Variants in RNF32 observed in about 807,000 individuals in gnomAD.
The protein encoded by RNF32 is ring finger protein 32.
RNF32 carries 36 observed loss-of-function variants against 41.0 expected under a neutral mutation model. That is an observed-to-expected ratio of 0.88 (90% CI 0.67 to 1.16). The LOEUF (loss-of-function observed/expected upper bound fraction) is 1.16, where lower values mean the gene tolerates loss of function less well. Ranked by LOEUF, RNF32 falls within the 50% of genes most tolerant of loss-of-function variation. The pLI is 0.00. For missense variants in RNF32, 413 were observed against 436.7 expected, an observed-to-expected ratio of 0.95 and a Z score of 0.48; for synonymous variants, 154 against 160.9, an observed-to-expected ratio of 0.96 and a Z score of 0.32.
At position 156,674,072 on chromosome 7, in the gene RNF32, C is replaced by T. The variant is rs34768691; in HGVS notation, c.685-1624C>T. Among the ~76,000 whole-genome samples, 878 of 152,312 alleles carry T rather than the reference C, an allele frequency of 5.8e-3. 5 individuals carry two copies. Among genetic ancestry groups the T allele is most frequent in the Non-Finnish European group, 8.1e-3 (548 of 68,032 alleles). ...TTTCATCCTTCTTTGTGCTTCAAGC[C>T]GGATTCCATGAAGCAGATGTAACTG... On this transcript the variant is annotated intron_variant, in intron 7 of 8. Coordinates refer to ENST00000317955, the MANE Select transcript of RNF32 (RefSeq NM_030936.4).
chr7:156,656,810 G>A (rs779018942), intron 4 of RNF32, among the ~76,000 whole-genome samples: 29 of 152,302 alleles, frequency 1.9e-4, no homozygotes, highest in Non-Finnish European at 2.9e-4. Flanking sequence ...TTTCCTCCCC[G>A]TTGCTGAAAG....
intron 3 of RNF32, chr7:156,646,348 C>CTGGCATTGCTTAGCTTG (rs1797973320): frequency 1.7e-6 from 2 of 1,149,844 alleles, no homozygotes; most frequent in Admixed American, 4.8e-5. Flanking sequence ...CTGGTGGTTC[C>CTGGCATTGCTTAGCTTG]TGGCATTGCT....
intron 7 of RNF32, among the ~76,000 whole-genome samples, chr7:156,661,383 G>C (rs1800649003): frequency 1.3e-5 from 2 of 151,024 alleles, no homozygotes; most frequent in African/African-American, 2.4e-5. Context: ...GCAGTGGCAC[G>C]ATCTTGGCTC....
chr7:156,658,555 A>G lies in RNF32; in HGVS notation c.669A>G (p.Lys223=), dbSNP rs767546030. The G allele has an allele frequency of 6.2e-7, 1 of 1,610,622 alleles. No individual in the cohort carries two copies. The highest frequency in any genetic ancestry group is 1.1e-5 in the South Asian group (1 of 91,010). ...CCACAGATGCCAAGTTAAGAAAAAA[A>G]TTCTTTGAAAAAAAGGTAGGTAAAG... ...VPPTDAKLRK[K]FFEKKFTEIS... Residue 223 remains lysine, a synonymous_variant, in exon 7 of 9, where the codon AAA becomes AAG. Transcript: ENST00000317955.
intron 7 of RNF32, chr7:156,659,881 CAAA>C: frequency 7.1e-6 from 7 of 984,602 alleles, no homozygotes; most frequent in Non-Finnish European, 8.4e-6. Flanking sequence ...CGAAAAATAA[CAAA>C]AAGCAAGTGA....
intron 7 of RNF32, among the ~76,000 whole-genome samples, chr7:156,663,203 T>C (rs1055753296): frequency 2.6e-5 from 4 of 152,210 alleles, no homozygotes; most frequent in African/African-American, 4.8e-5. Flanking sequence ...TTAAAAACTA[T>C]GTGTCAAATA....
At chr7:156,671,480 G>C (rs986885930) in intron 7 of RNF32, among the ~76,000 whole-genome samples, 1 of 152,080 alleles carries the variant, frequency 6.6e-6, no homozygotes, top group African/African-American at 2.4e-5. Context: ...ACCGAGCAAC[G>C]GCAGCACATA....
chr7:156,676,818 T>A lies in RNF32; in HGVS notation c.*163T>A, dbSNP rs1241706733. On this transcript the variant is annotated 3_prime_UTR_variant, in exon 9 of 9. Coordinates refer to ENST00000317955, the MANE Select transcript of RNF32 (RefSeq NM_030936.4). ...TCTTAGTATATTTTAAAAGCTGACA[T>A]CCCACCTAATTTTAATCTTTGGTCT... 8.4e-6 allele frequency: 5 copies of A among 598,348 alleles called. No homozygotes were observed. The East Asian group carries it at 1.1e-4, about 13-fold the overall frequency. The allele number at this position is 598,348 out of a possible 1,614,324, so 37.1% of individuals were successfully genotyped here. A position where few individuals can be genotyped will look rare whatever the true frequency, so the allele number is the denominator to read the frequency against.
chr7:156,660,178 G>C (rs1271594176), intron 7 of RNF32: 2 of 985,396 alleles, frequency 2.0e-6, no homozygotes, highest in South Asian at 4.7e-5. Flanking sequence ...GCCCGCCCCC[G>C]CATGTCCTGC....
At chr7:156,642,833 C>G (rs763230564) in intron 1 of RNF32, 2 of 152,244 alleles carry the variant, frequency 1.3e-5, no homozygotes, top group Non-Finnish European at 2.9e-5. Flanking sequence ...CGTGCAAACT[C>G]CAAACAGACA....
intron 7 of RNF32, chr7:156,668,945 G>A (rs1801833428): frequency 6.6e-6 from 1 of 152,224 alleles, no homozygotes; most frequent in Non-Finnish European, 1.5e-5. Flanking sequence ...AAAGGGAATT[G>A]TTTTTCTCAT....
chr7:156,666,407 A>G lies in RNF32; in HGVS notation c.684+7837A>G, dbSNP rs1027187422. On this transcript the variant is annotated intron_variant, in intron 7 of 8. Coordinates refer to ENST00000317955, the MANE Select transcript of RNF32 (RefSeq NM_030936.4). ...TCTGTGAAGAGGAATGCTTGCATAC[A>G]CTGCAGGTTTCTTTTCACAAAGTTG... is the stretch of plus-strand genomic sequence containing the variant. Among the ~76,000 whole-genome samples, 3 of 152,192 alleles carry G rather than the reference A, an allele frequency of 2.0e-5. No homozygotes were observed. The South Asian group carries it at 6.2e-4, about 32-fold the overall frequency.
At chr7:156,659,576 C>T in intron 7 of RNF32, 2 of 965,780 alleles carry the variant, frequency 2.1e-6, no homozygotes, top group Non-Finnish European at 2.5e-6. Flanking sequence ...TTTTTGTCAC[C>T]TCTTATACAA....
chr7:156,662,568 G>T (rs141519476), intron 7 of RNF32, among the ~76,000 whole-genome samples: 1 of 152,012 alleles, frequency 6.6e-6, no homozygotes, highest in African/African-American at 2.4e-5. Flanking sequence ...ACTCTCTTGC[G>T]TGTGCTTTCT....
intron 7 of RNF32, among the ~76,000 whole-genome samples, chr7:156,662,806 GT>G (rs1358746374): frequency 6.7e-6 from 1 of 149,588 alleles, no homozygotes; most frequent in African/African-American, 2.5e-5. Context: ...GAGCATCTCC[GT>G]TTTTACTGAA....
rs897611749 is a variant in RNF32, at chr7:156,660,009, G to C, written c.684+1439G>C. 3 of 985,314 alleles carry C rather than the reference G, an allele frequency of 3.0e-6. No homozygotes were observed. The African/African-American group carries it at 5.2e-5, about 17-fold the overall frequency. 61.0% of individuals were successfully genotyped at this position (985,314 alleles called of 1,614,324 possible). On this transcript the variant is annotated intron_variant, in intron 7 of 8. Transcript: ENST00000317955. ...GCAGATTCATAGCTCTGTCCCACTGGACGTTGGGTCCGCTGCCCTGTGGCC... is the reference window on the plus strand; with the variant it reads ...GCAGATTCATAGCTCTGTCCCACTGCACGTTGGGTCCGCTGCCCTGTGGCC...
intron 4 of RNF32, among the ~76,000 whole-genome samples, chr7:156,656,609 G>A (rs528288968): frequency 2.0e-5 from 3 of 152,330 alleles, no homozygotes; most frequent in African/African-American, 7.2e-5. Context: ...AGCATACATT[G>A]AGTGAAGGCA....
chr7:156,657,402 G>C (rs557106071), intron 4 of RNF32, 139 bp from the exon 5 acceptor site: 1 of 769,428 alleles, frequency 1.3e-6, no homozygotes, highest in African/African-American at 1.7e-5. Context: ...ACAATAAATA[G>C]TATAAATATC....
chr7:156,675,934 T>G, intron 8 of RNF32, 71 bp downstream of exon 8: 2 of 1,478,648 alleles, frequency 1.4e-6, no homozygotes, highest in Non-Finnish European at 1.9e-6. Context: ...GAGTGGCATG[T>G]GGGGGGAGGT....
Sources: allele counts gnomAD v4.1 joint callset (sites outside exome capture counted in the v4.1 genomes callset), GRCh38; gene constraint gnomAD v4.1.1; transcripts MANE v1.5; gene names NCBI Gene and HGNC (gene_info 2026-07-23, HGNC 2026-07-21).